Variants in PPP1R1A observed in about 807,000 individuals in gnomAD.
PPP1R1A encodes the protein protein phosphatase 1 regulatory subunit 1A.
A neutral mutation model predicts 23.9 loss-of-function variants in PPP1R1A; 18 were observed. The observed-to-expected ratio is 0.75, with a 90% CI of 0.52 to 1.12. The LOEUF is 1.12. Ranked by LOEUF, PPP1R1A falls within the 50% of genes most tolerant of loss-of-function variation. PPP1R1A has a pLI of 0.00. For missense variants in PPP1R1A, 207 were observed against 223.8 expected (o/e 0.92, Z 0.48); for synonymous variants, 84 against 80.7 (o/e 1.04, Z -0.22).
In PPP1R1A at chr12:54,581,390, T is replaced by C. The variant is rs1253137725; in HGVS notation, c.404-340A>G. On this transcript the variant is annotated intron_variant, in intron 5 of 6. Coordinates refer to ENST00000257905, the MANE Select transcript of PPP1R1A (RefSeq NM_006741.4). The surrounding 1 kb of genome is among the most constrained non-coding windows in gnomAD (Gnocchi z 4.1). ...CATTCACTGGATTGCAGAAATATTA[T>C]GTGTTTGATTGTAGGGTTCTCTGCC... is the stretch of plus-strand genomic sequence containing the variant. 6.6e-6 allele frequency among the ~76,000 whole-genome samples: 1 copy of C among 152,250 alleles called. No individual in the cohort carries two copies. The highest frequency in any genetic ancestry group is 2.4e-5 in the African/African-American group (1 of 41,478).
chr12:54,586,769 TTCC>T (rs1472439219), intron 1 of PPP1R1A, among the ~76,000 whole-genome samples: 2 of 152,014 alleles, frequency 1.3e-5, no homozygotes, highest in South Asian at 2.1e-4. Context: ...CCAGCTGGCC[TTCC>T]TCCTCCTCCT....
rs1325726481 is a variant in PPP1R1A at position 54,582,250 on chromosome 12, T to C, written c.248-119A>G. On this transcript the variant is annotated intron_variant, in intron 4 of 6. Transcript: ENST00000257905. Reference sequence around the variant, plus strand: ...GCACACATTGCTGGGTGTTTGACTTTCCCATCCACTGAGATCTGAACAAGG... The same window carrying C: ...GCACACATTGCTGGGTGTTTGACTTCCCCATCCACTGAGATCTGAACAAGG... The C allele has an allele frequency of 6.6e-6, 7 of 1,057,392 alleles. No individual in the cohort carries two copies. In the East Asian group the frequency reaches 1.4e-4, roughly 21 times the overall value. 65.5% of individuals were successfully genotyped at this position (1,057,392 alleles called of 1,614,324 possible).
At chr12:54,587,057 C>A (rs571781117) in intron 1 of PPP1R1A, among the ~76,000 whole-genome samples, 26 of 152,328 alleles carry the variant, frequency 1.7e-4, no homozygotes, top group African/African-American at 6.0e-4. Context: ...TCACCAAGAG[C>A]CTTCCCGTAG....
intron 1 of PPP1R1A, 21 bp downstream of exon 1, chr12:54,588,384 C>A: frequency 6.7e-7 from 1 of 1,491,392 alleles, no homozygotes; most frequent in Non-Finnish European, 9.0e-7. Context: ...GAGTGCCCTG[C>A]CGCCCCGCCC....
At position 54,580,948 on chromosome 12, in the gene PPP1R1A, T is replaced by C. The variant is rs1483368101; in HGVS notation, c.506A>G (p.Asn169Ser). ...HIPPLDSKGA[N>S]SV ...AGCCCAGCCCTGGGGTCTTACCGAGTTGGCTCCCTTGGAATCCAGTGGTGG... is the reference window on the plus strand; with the variant it reads ...AGCCCAGCCCTGGGGTCTTACCGAGCTGGCTCCCTTGGAATCCAGTGGTGG... Residue 169 changes from asparagine to serine, a missense_variant, in exon 6 of 7, where the codon AAC (asparagine) becomes AGC (serine). By Grantham distance (46) the Asn-to-Ser change is conservative. Transcript: ENST00000257905. 1.2e-6 allele frequency: 2 copies of C among 1,612,606 alleles called. No individual in the cohort carries two copies. Among genetic ancestry groups the C allele is most frequent in the Non-Finnish European group, 1.7e-6 (2 of 1,178,600 alleles).
intron 1 of PPP1R1A, 150 bp downstream of exon 1, chr12:54,588,255 G>GAC: frequency 2.9e-6 from 1 of 345,290 alleles, no homozygotes. Context: ...GGGGACAGAA[G>GAC]ACCCCCCCCC....
intron 2 of PPP1R1A, among the ~76,000 whole-genome samples, 165 bp from the exon 3 acceptor site, chr12:54,583,413 C>T (rs780677954): frequency 2.0e-5 from 3 of 152,166 alleles, no homozygotes; most frequent in South Asian, 2.1e-4. Flanking sequence ...ACCTCCTCCC[C>T]GAAGCTCCTC....
At chr12:54,586,672 A>T (rs544931061) in intron 1 of PPP1R1A, among the ~76,000 whole-genome samples, 4 of 152,240 alleles carry the variant, frequency 2.6e-5, no homozygotes, top group African/African-American at 9.6e-5. Flanking sequence ...AAGATTAGTG[A>T]AAGTAGGCCC....
chr12:54,587,150 T>C (rs949086324), intron 1 of PPP1R1A, among the ~76,000 whole-genome samples: 3 of 152,162 alleles, frequency 2.0e-5, no homozygotes, highest in East Asian at 1.9e-4. Context: ...TATCTCCACA[T>C]TGGGAAGCTG....
intron 1 of PPP1R1A, among the ~76,000 whole-genome samples, chr12:54,585,751 T>C (rs1311353998): frequency 6.9e-6 from 1 of 144,522 alleles, no homozygotes; most frequent in Non-Finnish European, 1.5e-5. Context: ...GTACTGGCTA[T>C]GGTAAGATGG....
At chr12:54,582,215 T>A in intron 4 of PPP1R1A, 84 bp from the exon 5 acceptor site, 2 of 1,400,218 alleles carry the variant, frequency 1.4e-6, no homozygotes, top group Non-Finnish European at 1.9e-6. Flanking sequence ...ACAGCCCCAC[T>A]AAAGGCTCAG....
rs1957842223 is a variant in PPP1R1A at position 54,580,280 on chromosome 12, C to CT, written c.*106dup. 8 of 1,552,832 alleles carry CT rather than the reference C, an allele frequency of 5.2e-6. No individual in the cohort carries two copies. Among genetic ancestry groups the CT allele is most frequent in the Non-Finnish European group, 7.0e-6 (8 of 1,149,006 alleles). On this transcript the variant is annotated 3_prime_UTR_variant, in exon 7 of 7. Transcript: ENST00000257905. Reference sequence around the variant, plus strand: ...CAAGGACCTAACACCAAATTTATCACTTTTTAAAAACAAGAGATTTTCCCC... The same window carrying CT: ...CAAGGACCTAACACCAAATTTATCACTTTTTTAAAAACAAGAGATTTTCCCC...
intron 1 of PPP1R1A, among the ~76,000 whole-genome samples, chr12:54,588,178 G>A (rs2121221231): frequency 6.6e-6 from 1 of 151,956 alleles, no homozygotes; most frequent in Admixed American, 6.5e-5. Flanking sequence ...GCATCGAGTG[G>A]AGGCGCTCTT....
In PPP1R1A at chr12:54,584,230, C is replaced by G. The variant is rs563527252; in HGVS notation, c.145+30G>C. 1.9e-6 allele frequency: 3 copies of G among 1,559,080 alleles called. No individual in the cohort carries two copies. In the East Asian group the frequency reaches 6.9e-5, roughly 36 times the overall value. On this transcript the variant is annotated intron_variant, in intron 2 of 6. Coordinates refer to ENST00000257905, the MANE Select transcript of PPP1R1A (RefSeq NM_006741.4). ...GGACCTGCTGCCATAGTGGCCCCCACGCCCTTCAGCAACCTATCCCTTGGC... is the reference window on the plus strand; with the variant it reads ...GGACCTGCTGCCATAGTGGCCCCCAGGCCCTTCAGCAACCTATCCCTTGGC...
chr12:54,581,380 AGAAATATTATGT>A lies in PPP1R1A; in HGVS notation c.404-342_404-331del, dbSNP rs1163214367. On this transcript the variant is annotated intron_variant, in intron 5 of 6. Transcript: ENST00000257905. The surrounding 1 kb of genome is among the most constrained non-coding windows in gnomAD (Gnocchi z 4.1). ...TTAGTGAGACCATTCACTGGATTGC[AGAAATATTATGT>A]GTTTGATTGTAGGGTTCTCTGCCGG... Among the ~76,000 whole-genome samples, 2 of 152,224 alleles carry A rather than the reference AGAAATATTATGT, an allele frequency of 1.3e-5. No homozygotes were observed. Among genetic ancestry groups the A allele is most frequent in the Admixed American group, 1.3e-4 (2 of 15,288 alleles).
chr12:54,584,419 T>A, intron 1 of PPP1R1A, 99 bp from the exon 2 acceptor site: 1 of 1,130,522 alleles, frequency 8.8e-7, no homozygotes, highest in Non-Finnish European at 1.2e-6. Context: ...CTAGCCTACT[T>A]AACACACCTC....
Position 54,583,883 on chromosome 12 carries a change from C to A in PPP1R1A, c.145+377G>T, listed in dbSNP as rs145376339. Among the ~76,000 whole-genome samples the A allele has an allele frequency of 1.9e-4, 29 of 152,314 alleles. No individual in the cohort carries two copies. The East Asian group carries it at 4.5e-3, about 23-fold the overall frequency. ...GAGCTGCTTCTAACCTTCCCCTCCC[C>A]CTCTGGGGGCTGTGAAGAGCTGGTG... On this transcript the variant is annotated intron_variant, in intron 2 of 6. Transcript: ENST00000257905.
Position 54,580,013 on chromosome 12 carries a change from G to A in PPP1R1A, c.*374C>T, listed in dbSNP as rs1252936269. The A allele has an allele frequency of 4.9e-6, 5 of 1,012,712 alleles. No individual in the cohort carries two copies. Among genetic ancestry groups the A allele is most frequent in the Non-Finnish European group, 5.9e-6 (5 of 846,628 alleles). 62.7% of individuals were successfully genotyped at this position (1,012,712 alleles called of 1,614,324 possible). A position where few individuals can be genotyped will look rare whatever the true frequency, so the allele number is the denominator to read the frequency against. On this transcript the variant is annotated 3_prime_UTR_variant, in exon 7 of 7. Coordinates refer to ENST00000257905, the MANE Select transcript of PPP1R1A (RefSeq NM_006741.4). ...GTTCCTCAATAAGAAAAGAGAACCTGGGGCTTTTCTTCCTTCTTGGCACCC... is the reference window on the plus strand; with the variant it reads ...GTTCCTCAATAAGAAAAGAGAACCTAGGGCTTTTCTTCCTTCTTGGCACCC...
chr12:54,579,328 G>A lies in PPP1R1A; in HGVS notation c.*1059C>T, dbSNP rs370408043. 289 of 913,100 alleles carry A rather than the reference G, an allele frequency of 3.2e-4. 1 individual carries two copies. In the African/African-American group the frequency reaches 6.3e-3, roughly 20 times the overall value. The allele number at this position is 913,100 out of a possible 1,614,324, so 56.6% of individuals were successfully genotyped here. A position where few individuals can be genotyped will look rare whatever the true frequency, so the allele number is the denominator to read the frequency against. ...CAGCATGATAAAATCTGGGTGAGGCGTTCTCCCTCATATATATATATATAT... is the reference window on the plus strand; with the variant it reads ...CAGCATGATAAAATCTGGGTGAGGCATTCTCCCTCATATATATATATATAT... On this transcript the variant is annotated 3_prime_UTR_variant, in exon 7 of 7. Coordinates refer to ENST00000257905, the MANE Select transcript of PPP1R1A (RefSeq NM_006741.4).
Sources: allele counts gnomAD v4.1 joint callset (sites outside exome capture counted in the v4.1 genomes callset), GRCh38; gene constraint gnomAD v4.1.1; non-coding constraint Gnocchi (gnomAD v3.1); transcripts MANE v1.5; gene names NCBI Gene and HGNC (gene_info 2026-07-23, HGNC 2026-07-21).